Variants in BCAS3 observed in about 807,000 individuals in gnomAD.
BCAS3 encodes the protein BCAS3 microtubule associated cell migration factor.
A neutral mutation model predicts 116.1 loss-of-function variants in BCAS3; 53 were observed. The ratio of observed to expected loss-of-function variants is 0.46; its 90% confidence interval spans 0.37 to 0.57. The LOEUF (loss-of-function observed/expected upper bound fraction) is 0.57. Among genes scored for constraint, BCAS3 ranks in the 20% least tolerant of loss-of-function variants. BCAS3 has a pLI of 0.00. For synonymous variants in BCAS3, 391 were observed against 408.2 expected (o/e 0.96, Z 0.51); for missense variants, 917 against 1,165.4 (o/e 0.79, Z 3.10).
rs571096900 is a variant in BCAS3 at position 61,165,221 on chromosome 17, C to T, written c.2425+80657C>T. Among the ~76,000 whole-genome samples, 113 of 152,262 alleles carry T rather than the reference C, an allele frequency of 7.4e-4. 1 individual carries two copies. The highest frequency in any genetic ancestry group is 5.3e-4 in the Non-Finnish European group (36 of 68,022). On this transcript the variant is annotated intron_variant, in intron 22 of 23. Coordinates refer to ENST00000407086, the MANE Select transcript of BCAS3 (RefSeq NM_017679.5). ...AGCATGTAAATTAGACACTTTTCTC[C>T]CAAAAGGAGCCTTGGGATCCAAAGG... is the stretch of plus-strand genomic sequence containing the variant.
chr17:60,873,161 TATTC>T (rs1196299363), intron 8 of BCAS3, among the ~76,000 whole-genome samples: 1 of 152,140 alleles, frequency 6.6e-6, no homozygotes, highest in Non-Finnish European at 1.5e-5. Context: ...CCTTTTTGTG[TATTC>T]AGAGTACACA....
chr17:60,775,010 T>C (rs1002820256), intron 6 of BCAS3, among the ~76,000 whole-genome samples: 2 of 152,244 alleles, frequency 1.3e-5, no homozygotes, highest in Non-Finnish European at 2.9e-5. Context: ...GACTTAAGAG[T>C]GCTTAGGATA....
chr17:61,245,609 G>C (rs1234554742), intron 22 of BCAS3, among the ~76,000 whole-genome samples: 1 of 152,104 alleles, frequency 6.6e-6, no homozygotes, highest in Non-Finnish European at 1.5e-5. Context: ...GTGTCAATTA[G>C]TTTTTCTCTT....
rs146789445 is a variant in BCAS3 at position 61,148,686 on chromosome 17, A to G, written c.2425+64122A>G. 1.1e-4 allele frequency among the ~76,000 whole-genome samples: 16 copies of G among 152,326 alleles called. No individual in the cohort carries two copies. The East Asian group carries it at 3.1e-3, about 29-fold the overall frequency. ...CTCATAACATCCCTACAAGATAGGTATAATTATTTGTATTTGCGCACTCTC... is the reference window on the plus strand; with the variant it reads ...CTCATAACATCCCTACAAGATAGGTGTAATTATTTGTATTTGCGCACTCTC... On this transcript the variant is annotated intron_variant, in intron 22 of 23. Coordinates refer to ENST00000407086, the MANE Select transcript of BCAS3 (RefSeq NM_017679.5).
rs1447596036 is a variant in BCAS3, at chr17:61,307,930, C to G, written c.2426-60397C>G. On this transcript the variant is annotated intron_variant, in intron 22 of 23. Transcript: ENST00000407086. This position sits in a 1 kb window ranked among gnomAD's most constrained non-coding sequence, Gnocchi z 4.7. ...CAACCCCAAACAGTATACACCTTGA[C>G]AATGTGGAGACTCAAGATTTTCCAA... Among the ~76,000 whole-genome samples, 2 of 152,182 alleles carry G rather than the reference C, an allele frequency of 1.3e-5. No homozygotes were observed. The highest frequency in any genetic ancestry group is 2.9e-5 in the Non-Finnish European group (2 of 68,044).
intron 22 of BCAS3, among the ~76,000 whole-genome samples, chr17:61,269,197 C>G (rs1291038575): frequency 6.6e-6 from 1 of 151,360 alleles, no homozygotes. Context: ...TCACCACAAC[C>G]TCAGCCTCCT....
At chr17:60,826,727 C>G (rs1284881924) in intron 7 of BCAS3, among the ~76,000 whole-genome samples, 1 of 152,156 alleles carries the variant, frequency 6.6e-6, no homozygotes, top group African/African-American at 2.4e-5. Context: ...TCTTGTCTTT[C>G]TTCTCATCTC....
At chr17:60,706,503 T>C (rs1159340321) in intron 4 of BCAS3, among the ~76,000 whole-genome samples, 1 of 152,180 alleles carries the variant, frequency 6.6e-6, no homozygotes. Context: ...TGGCCAGCAG[T>C]AAGCTATTAG....
chr17:61,134,284 A>G lies in BCAS3; in HGVS notation c.2425+49720A>G, dbSNP rs2076499855. ...AGTGAACACTTGTTGATTTTTTAAAAATCAACTGTTAGGCACTGTGCTCAG... is the reference window on the plus strand; with the variant it reads ...AGTGAACACTTGTTGATTTTTTAAAGATCAACTGTTAGGCACTGTGCTCAG... On this transcript the variant is annotated intron_variant, in intron 22 of 23. Transcript: ENST00000407086. The surrounding 1 kb of genome is among the most constrained non-coding windows in gnomAD (Gnocchi z 4.6). Among the ~76,000 whole-genome samples the G allele has an allele frequency of 6.6e-6, 1 of 152,178 alleles. No homozygotes were observed. The highest frequency in any genetic ancestry group is 2.4e-5 in the African/African-American group (1 of 41,456).
At chr17:61,264,292 A>G (rs2049479287) in intron 22 of BCAS3, among the ~76,000 whole-genome samples, 1 of 152,152 alleles carries the variant, frequency 6.6e-6, no homozygotes, top group South Asian at 2.1e-4. Context: ...AAGAAGACTC[A>G]TTCAATAATG....
In BCAS3 at chr17:61,211,014, C is replaced by A. The variant is rs180739443; in HGVS notation, c.2425+126450C>A. 1.3e-5 allele frequency among the ~76,000 whole-genome samples: 2 copies of A among 152,064 alleles called. No individual in the cohort carries two copies. The highest frequency in any genetic ancestry group is 2.9e-5 in the Non-Finnish European group (2 of 68,010). On this transcript the variant is annotated intron_variant, in intron 22 of 23. Coordinates refer to ENST00000407086, the MANE Select transcript of BCAS3 (RefSeq NM_017679.5). The surrounding 1 kb of genome is among the most constrained non-coding windows in gnomAD (Gnocchi z 4.4). ...CAGAGATGATGAGCCAAAGGCTTCC[C>A]TAAGCTAGGGTCCCATAGTCTTCCC...
In BCAS3 at chr17:60,817,041, C is replaced by T. The variant is rs150557539; in HGVS notation, c.476+8965C>T. On this transcript the variant is annotated intron_variant, in intron 7 of 23. Transcript: ENST00000407086. ...AATGACCCAATTTGCATAATTAGCT[C>T]TCACCAAATAATCCCAGTTGTTCAT... is the stretch of plus-strand genomic sequence containing the variant. Among the ~76,000 whole-genome samples, 35 of 152,308 alleles carry T rather than the reference C, an allele frequency of 2.3e-4. No homozygotes were observed. The East Asian group carries it at 6.6e-3, about 29-fold the overall frequency.
Position 61,139,205 on chromosome 17 carries a change from C to A in BCAS3, c.2425+54641C>A, listed in dbSNP as rs1435259325. On this transcript the variant is annotated intron_variant, in intron 22 of 23. Coordinates refer to ENST00000407086, the MANE Select transcript of BCAS3 (RefSeq NM_017679.5). This position sits in a 1 kb window ranked among gnomAD's most constrained non-coding sequence, Gnocchi z 4.7. The stretch of plus-strand genomic sequence containing the variant: ...GATACATTCTTAGGCTTAAAGAGTA[C>A]ACATTTTTTCCCTTAGAGTTATAGA... Among the ~76,000 whole-genome samples the A allele has an allele frequency of 5.9e-5, 9 of 152,128 alleles. 1 individual carries two copies. The highest frequency in any genetic ancestry group is 5.9e-4 in the Admixed American group (9 of 15,274).
chr17:61,302,669 A>G lies in BCAS3; in HGVS notation c.2426-65658A>G, dbSNP rs1348599581. On this transcript the variant is annotated intron_variant, in intron 22 of 23. Transcript: ENST00000407086. This position sits in a 1 kb window ranked among gnomAD's most constrained non-coding sequence, Gnocchi z 4.4. ...TTAGGTTACATTGATGAGTGACAGAATTCTAGAATTCATATTTTTTTTTCA... is the reference window on the plus strand; with the variant it reads ...TTAGGTTACATTGATGAGTGACAGAGTTCTAGAATTCATATTTTTTTTTCA... 6.6e-6 allele frequency among the ~76,000 whole-genome samples: 1 copy of G among 152,178 alleles called. No individual in the cohort carries two copies. The highest frequency in any genetic ancestry group is 1.5e-5 in the Non-Finnish European group (1 of 68,028).
chr17:61,046,033 A>G (rs1327856220), intron 19 of BCAS3, among the ~76,000 whole-genome samples: 1 of 12,148 alleles, frequency 8.2e-5, no homozygotes, highest in African/African-American at 5.8e-4. Flanking sequence ...TTATATATAT[A>G]TTTATATATA....
intron 7 of BCAS3, among the ~76,000 whole-genome samples, chr17:60,846,488 G>A (rs761199867): frequency 2.6e-5 from 4 of 152,004 alleles, no homozygotes; most frequent in Non-Finnish European, 5.9e-5. Flanking sequence ...TGTTCTATAT[G>A]GTTTTTTTGT....
At chr17:60,974,367 T>A (rs1421314023) in intron 14 of BCAS3, among the ~76,000 whole-genome samples, 1 of 152,214 alleles carries the variant, frequency 6.6e-6, no homozygotes, top group African/African-American at 2.4e-5. Flanking sequence ...TTAATTTTTT[T>A]AAGTTTTGAT....
chr17:60,943,897 A>C (rs139652084), intron 13 of BCAS3, among the ~76,000 whole-genome samples: 250 of 152,242 alleles, frequency 1.6e-3, no homozygotes, highest in African/African-American at 5.5e-3. Context: ...ATAACCCACG[A>C]GCAAAAGACA....
intron 6 of BCAS3, among the ~76,000 whole-genome samples, chr17:60,786,580 C>T (rs1375012458): frequency 2.1e-5 from 3 of 144,020 alleles, no homozygotes; most frequent in African/African-American, 8.4e-5. Flanking sequence ...TAAAATGTGT[C>T]AGTGGAAATC....
Sources: allele counts gnomAD v4.1 joint callset (sites outside exome capture counted in the v4.1 genomes callset), GRCh38; gene constraint gnomAD v4.1.1; non-coding constraint Gnocchi (gnomAD v3.1); transcripts MANE v1.5; gene names NCBI Gene and HGNC (gene_info 2026-07-23, HGNC 2026-07-21).